The following YAP1 variants were observed in gnomAD, a reference collection of about 807,000 sequenced individuals.
YAP1 encodes transcriptional coactivator YAP1.
A neutral mutation model predicts 56.9 loss-of-function variants in YAP1; 5 were observed. That is an observed-to-expected ratio of 0.09 (90% CI 0.05 to 0.18). YAP1 has a LOEUF of 0.18. YAP1 is among the 10% of genes least tolerant of loss of function. The pLI is 1.00. For missense variants in YAP1, 539 were observed against 651.8 expected (o/e 0.83, Z 1.88); for synonymous variants, 265 against 248.1 (o/e 1.07, Z -0.64).
chr11:102,196,989 A>G (rs1306665239), intron 4 of YAP1, among the ~76,000 whole-genome samples: 2 of 152,096 alleles, frequency 1.3e-5, no homozygotes, highest in Admixed American at 6.5e-5. Context: ...GCGACTCTCT[A>G]TTGATGATTC....
chr11:102,136,840 A>C (rs940100967), intron 2 of YAP1, among the ~76,000 whole-genome samples: 3 of 152,152 alleles, frequency 2.0e-5, no homozygotes, highest in African/African-American at 7.2e-5. Context: ...TAGATCTGTT[A>C]CTGTATTCTG....
chr11:102,197,926 T>C (rs1948653599), intron 4 of YAP1, among the ~76,000 whole-genome samples: 1 of 152,178 alleles, frequency 6.6e-6, no homozygotes, highest in African/African-American at 2.4e-5. Context: ...GGTGCACCGC[T>C]CTGTGCTTTG....
At chr11:102,168,438 C>A (rs1301372285) in intron 3 of YAP1, among the ~76,000 whole-genome samples, 1 of 148,980 alleles carries the variant, frequency 6.7e-6, no homozygotes, top group Non-Finnish European at 1.5e-5. Flanking sequence ...TGATAACAAC[C>A]CAAAGCCTAA....
Position 102,110,816 on chromosome 11 carries a change from G to T in YAP1, c.-33G>T. On this transcript the variant is annotated 5_prime_UTR_variant, in exon 1 of 9. Coordinates refer to ENST00000282441, the MANE Select transcript of YAP1 (RefSeq NM_001130145.3). The stretch of plus-strand genomic sequence containing the variant: ...CCGGGCGTAGCCCTCGCTCGCCTGG[G>T]TCAGGGGGTGCGCGTCGGGGGAGGC... The T allele has an allele frequency of 7.3e-7, 1 of 1,363,184 alleles. No individual in the cohort carries two copies. The highest frequency in any genetic ancestry group is 1.5e-5 in the African/African-American group (1 of 65,406). The allele number at this position is 1,363,184 out of a possible 1,614,324, so 84.4% of individuals were successfully genotyped here.
chr11:102,227,758 C>G (rs993979730), intron 8 of YAP1, among the ~76,000 whole-genome samples, 177 bp downstream of exon 8: 1 of 152,062 alleles, frequency 6.6e-6, no homozygotes, highest in Non-Finnish European at 1.5e-5. Context: ...TTGTCTTTTC[C>G]TAGTTTAAAA....
intron 3 of YAP1, among the ~76,000 whole-genome samples, chr11:102,165,724 TC>T (rs1946566787): frequency 6.6e-6 from 1 of 152,230 alleles, no homozygotes. Context: ...TTGCACTGTC[TC>T]ATTTAAGATC....
chr11:102,161,901 G>A (rs190764075), intron 2 of YAP1, among the ~76,000 whole-genome samples: 18 of 152,320 alleles, frequency 1.2e-4, no homozygotes, highest in East Asian at 9.6e-4. Context: ...AAAGGGCTTT[G>A]TGTAAGAACA....
intron 7 of YAP1, 95 bp from the exon 8 acceptor site, chr11:102,227,374 T>A: frequency 1.2e-6 from 1 of 831,030 alleles, no homozygotes; most frequent in Middle Eastern, 3.2e-4. Context: ...TAATCCTCTT[T>A]GAGAATTATG....
intron 2 of YAP1, among the ~76,000 whole-genome samples, chr11:102,124,192 AT>A (rs1195857732): frequency 6.6e-6 from 1 of 151,822 alleles, no homozygotes; most frequent in African/African-American, 2.4e-5. Flanking sequence ...ACCTCAAGTG[AT>A]CTGCCTGCCT....
intron 1 of YAP1, chr11:102,112,655 C>G (rs1268491508): frequency 2.2e-5 from 22 of 985,076 alleles, no homozygotes; most frequent in Non-Finnish European, 2.7e-5. Context: ...CAGAAAAAAT[C>G]ACTTAACCTG....
At chr11:102,130,744 T>C (rs1292837838) in intron 2 of YAP1, among the ~76,000 whole-genome samples, 1 of 144,526 alleles carries the variant, frequency 6.9e-6, no homozygotes, top group African/African-American at 2.6e-5. Context: ...TTTTTTTTTT[T>C]AAGATTTAAA....
chr11:102,210,372 T>C (rs1949338750), intron 6 of YAP1, among the ~76,000 whole-genome samples: 1 of 152,204 alleles, frequency 6.6e-6, no homozygotes, highest in Non-Finnish European at 1.5e-5. Flanking sequence ...AATAAGTACA[T>C]TGTTTTAGAA....
At chr11:102,123,387 T>C (rs1190366260) in intron 2 of YAP1, among the ~76,000 whole-genome samples, 1 of 152,162 alleles carries the variant, frequency 6.6e-6, no homozygotes, top group East Asian at 1.9e-4. Flanking sequence ...GCTTTCATCC[T>C]GGGGAGTTTC....
chr11:102,203,824 A>G (rs1425581285), intron 4 of YAP1, among the ~76,000 whole-genome samples: 2 of 152,242 alleles, frequency 1.3e-5, no homozygotes, highest in African/African-American at 4.8e-5. Context: ...GATGCAGGTA[A>G]AGCAGGACTT....
At chr11:102,186,414 C>A in intron 4 of YAP1, 1 of 321,642 alleles carries the variant, frequency 3.1e-6, no homozygotes, top group Non-Finnish European at 5.8e-6. Context: ...GGGAGAAACA[C>A]AGTGATTGTT....
chr11:102,111,218 C>G (rs1270731014), intron 1 of YAP1, 49 bp downstream of exon 1: 9 of 1,602,096 alleles, frequency 5.6e-6, no homozygotes, highest in African/African-American at 2.7e-5. Flanking sequence ...GGGCCTCAGA[C>G]CGGGGGGGCG....
At chr11:102,174,199 A>G (rs1401854241) in intron 3 of YAP1, among the ~76,000 whole-genome samples, 1 of 152,232 alleles carries the variant, frequency 6.6e-6, no homozygotes, top group Non-Finnish European at 1.5e-5. Flanking sequence ...GCTGGAATGA[A>G]ACCTTTACTG....
At chr11:102,137,678 A>T (rs1944758531) in intron 2 of YAP1, among the ~76,000 whole-genome samples, 1 of 152,148 alleles carries the variant, frequency 6.6e-6, no homozygotes, top group South Asian at 2.1e-4. Flanking sequence ...GTTTTATTGA[A>T]ACTATTAGCA....
chr11:102,228,657 A>G (rs1253112088), intron 8 of YAP1, among the ~76,000 whole-genome samples: 1 of 147,604 alleles, frequency 6.8e-6, no homozygotes, highest in Admixed American at 6.7e-5. Flanking sequence ...AAAAAAAAAA[A>G]AAAAGAATAG....
Sources: gnomAD v4.1 joint callset for allele counts (sites outside exome capture counted in the v4.1 genomes callset) on GRCh38, gnomAD v4.1.1 for gene constraint, MANE v1.5 for transcripts, NCBI Gene and HGNC (gene_info 2026-07-23, HGNC 2026-07-21) for gene names.